The following ADARB2 variants were observed in gnomAD, a reference collection of about 807,000 sequenced individuals.
The protein encoded by ADARB2 is adenosine deaminase RNA specific B2 (inactive).
In ADARB2, 25 loss-of-function variants were observed where a neutral mutation model predicts 62.2. The ratio of observed to expected loss-of-function variants is 0.40; its 90% CI spans 0.29 to 0.56. ADARB2 has a LOEUF of 0.56. Among genes scored for constraint, ADARB2 ranks in the 20% least tolerant of loss-of-function variants. ADARB2 has a pLI of 0.43. For synonymous variants in ADARB2, 572 were observed against 500.8 expected, an observed-to-expected ratio of 1.14 and a Z score of -1.90; for missense variants, 1,071 against 1,077.4, an observed-to-expected ratio of 0.99 and a Z score of 0.08.
intron 1 of ADARB2, among the ~76,000 whole-genome samples, chr10:1,570,836 C>T (rs766137978): frequency 6.6e-6 from 1 of 152,054 alleles, no homozygotes. Context: ...ACACCGCATG[C>T]TGGAAACTTC....
At chr10:1,206,772 C>T (rs1258554762) in intron 7 of ADARB2, among the ~76,000 whole-genome samples, 8 of 152,202 alleles carry the variant, frequency 5.3e-5, no homozygotes, top group African/African-American at 1.7e-4. Context: ...CCCAGGTCCC[C>T]ACTCAGCCCG....
intron 3 of ADARB2, among the ~76,000 whole-genome samples, chr10:1,303,147 T>G (rs1427789933): frequency 2.2e-4 from 34 of 151,196 alleles, no homozygotes; most frequent in Middle Eastern, 3.5e-3. Flanking sequence ...TTAGAAGAAT[T>G]TGTAACTAGA....
intron 1 of ADARB2, among the ~76,000 whole-genome samples, chr10:1,552,191 G>A (rs571294751): frequency 2.0e-5 from 3 of 152,378 alleles, no homozygotes; most frequent in East Asian, 3.9e-4. Flanking sequence ...ATGCCCATGG[G>A]GGGAGCTGGC....
intron 3 of ADARB2, among the ~76,000 whole-genome samples, chr10:1,320,947 G>A (rs560509881): frequency 2.3e-4 from 35 of 152,288 alleles, no homozygotes; most frequent in African/African-American, 8.2e-4. Context: ...AGAGCCTGTG[G>A]CAGCACAGGG....
rs528134360 is a variant in ADARB2 at position 1,724,465 on chromosome 10, CA to C, written c.100+12585del. 4.4e-3 allele frequency among the ~76,000 whole-genome samples: 673 copies of C among 152,292 alleles called. 7 individuals are homozygous for C. The highest frequency in any genetic ancestry group is 0.016 in the African/African-American group (646 of 41,556). On this transcript the variant is annotated intron_variant, in intron 1 of 9. Transcript: ENST00000381312. ...CCAAGGGACAGATGCACCAAGCCCC[CA>C]AAAGCATCTCCATCAGAGCCAGTCC...
chr10:1,243,484 G>A (rs181280236), intron 4 of ADARB2, among the ~76,000 whole-genome samples: 20 of 148,838 alleles, frequency 1.3e-4, no homozygotes, highest in Admixed American at 1.0e-3. Flanking sequence ...GGTCATGAGC[G>A]CTTCTCGCTT....
chr10:1,232,250 G>A (rs1347430260), intron 6 of ADARB2, among the ~76,000 whole-genome samples: 2 of 152,124 alleles, frequency 1.3e-5, no homozygotes, highest in South Asian at 2.1e-4. Context: ...TCTGCCTGGA[G>A]CTGCTTCTGG....
chr10:1,617,703 A>C (rs1476081400), intron 1 of ADARB2, among the ~76,000 whole-genome samples: 4 of 140,556 alleles, frequency 2.8e-5, no homozygotes, highest in African/African-American at 5.3e-5. Context: ...TGTGCTCTGC[A>C]TCCTGGGAAC....
intron 3 of ADARB2, chr10:1,291,854 G>A (rs1831468853): frequency 6.6e-6 from 1 of 152,584 alleles, no homozygotes; most frequent in East Asian, 1.9e-4. Context: ...AGGAGAAGGA[G>A]CCTGTGTTTC....
At chr10:1,278,430 C>T (rs1004049487) in intron 3 of ADARB2, among the ~76,000 whole-genome samples, 1 of 151,756 alleles carries the variant, frequency 6.6e-6, no homozygotes, top group Non-Finnish European at 1.5e-5. Flanking sequence ...CCCCTCCCTC[C>T]CCACCAGTAT....
intron 1 of ADARB2, among the ~76,000 whole-genome samples, chr10:1,435,963 C>T (rs1321297452): frequency 6.6e-6 from 1 of 152,200 alleles, no homozygotes; most frequent in Non-Finnish European, 1.5e-5. Flanking sequence ...CTGTTCTTGA[C>T]AATGTTTGTC....
chr10:1,263,047 T>A (rs11250366), intron 4 of ADARB2, among the ~76,000 whole-genome samples: 1 of 147,540 alleles, frequency 6.8e-6, no homozygotes, highest in African/African-American at 2.5e-5. Flanking sequence ...AACCAAACAC[T>A]GCATGTTCTC....
chr10:1,445,829 A>G (rs1304521682), intron 1 of ADARB2, among the ~76,000 whole-genome samples: 4 of 152,220 alleles, frequency 2.6e-5, no homozygotes, highest in Admixed American at 2.6e-4. Flanking sequence ...GAGGTTTGTT[A>G]AGAGTGAGAC....
chr10:1,351,766 C>T (rs1198193483), intron 3 of ADARB2, among the ~76,000 whole-genome samples: 2 of 152,102 alleles, frequency 1.3e-5, no homozygotes, highest in Non-Finnish European at 2.9e-5. Flanking sequence ...TCTGTTATCA[C>T]TCGCCTGCTA....
intron 1 of ADARB2, among the ~76,000 whole-genome samples, chr10:1,437,255 C>CACACACATATAT (rs56133902): frequency 0.98 from 148,878 of 151,882 alleles, 72,991 homozygotes; most frequent in East Asian, 1. Context: ...TATATATACA[C>CACACACATATAT]ACACACACAC....
At chr10:1,213,553 C>T (rs1837190016) in intron 7 of ADARB2, among the ~76,000 whole-genome samples, 1 of 152,226 alleles carries the variant, frequency 6.6e-6, no homozygotes, top group South Asian at 2.1e-4. Context: ...GGATGAAGCA[C>T]TTGTGAATGG....
chr10:1,496,052 A>G (rs1385070621), intron 1 of ADARB2, among the ~76,000 whole-genome samples: 1 of 151,818 alleles, frequency 6.6e-6, no homozygotes. Flanking sequence ...TGACATCATT[A>G]TCTTCATCAT....
At chr10:1,249,339 G>T (rs1831014898) in intron 4 of ADARB2, among the ~76,000 whole-genome samples, 1 of 151,684 alleles carries the variant, frequency 6.6e-6, no homozygotes. Context: ...GTACTTGAGA[G>T]ACTGAGGTGG....
intron 1 of ADARB2, among the ~76,000 whole-genome samples, chr10:1,545,547 TTTCCTCCCC>T (rs1214747583): frequency 1.3e-5 from 2 of 152,190 alleles, no homozygotes; most frequent in African/African-American, 4.8e-5. Context: ...TCCCTGACTT[TTTCCTCCCC>T]TTCCTCCCCT....
Sources: allele counts gnomAD v4.1 joint callset (sites outside exome capture counted in the v4.1 genomes callset), GRCh38; gene constraint gnomAD v4.1.1; transcripts MANE v1.5; gene names NCBI Gene and HGNC (gene_info 2026-07-23, HGNC 2026-07-21).